The following DNMT3A variants were observed in gnomAD, a reference collection of about 807,000 sequenced individuals.
DNMT3A encodes DNA methyltransferase 3 alpha, also known as DNA (cytosine-5)-methyltransferase 3A.
DNMT3A carries 267 observed loss-of-function variants against 117.6 expected under a neutral mutation model. That is an observed-to-expected ratio of 2.27 (90% CI 2.05 to 2.51). The LOEUF (loss-of-function observed/expected upper bound fraction) is 2.51. DNMT3A is among the 30% of genes most tolerant of loss of function. DNMT3A has a pLI of 0.00. For missense variants in DNMT3A, 1,029 were observed against 1,260.2 expected (o/e 0.82, Z 2.78); for synonymous variants, 432 against 474.8 (o/e 0.91, Z 1.17).
chr2:25,237,024 A>G lies in DNMT3A; in HGVS notation c.2409-19T>C. ...CAACGGCCTAGGAGGCAGAAGAGAGACTGTAACAACAGAAACCTGGATAAC... is the reference window on the plus strand; with the variant it reads ...CAACGGCCTAGGAGGCAGAAGAGAGGCTGTAACAACAGAAACCTGGATAAC... On this transcript the variant is annotated intron_variant, in intron 20 of 22. Transcript: ENST00000321117. The surrounding 1 kb of genome is among the most constrained non-coding windows in gnomAD (Gnocchi z 5.4). The G allele has an allele frequency of 6.2e-7, 1 of 1,612,904 alleles. No individual in the cohort carries two copies. Among genetic ancestry groups the G allele is most frequent in the Non-Finnish European group, 8.5e-7 (1 of 1,179,660 alleles).
chr2:25,296,162 T>G lies in DNMT3A; in HGVS notation c.177+3977A>C, dbSNP rs1408435370. 1.3e-5 allele frequency among the ~76,000 whole-genome samples: 2 copies of G among 152,182 alleles called. No individual in the cohort carries two copies. Among genetic ancestry groups the G allele is most frequent in the Admixed American group, 1.3e-4 (2 of 15,284 alleles). On this transcript the variant is annotated intron_variant, in intron 3 of 22. Coordinates refer to ENST00000321117, the MANE Select transcript of DNMT3A (RefSeq NM_022552.5). This position sits in a 1 kb window ranked among gnomAD's most constrained non-coding sequence, Gnocchi z 4.2. ...CTGCAGACCACTGCAGTCCCATGTGTGTGATCGGTGGGCTTGGAACTTGTC... is the reference window on the plus strand; with the variant it reads ...CTGCAGACCACTGCAGTCCCATGTGGGTGATCGGTGGGCTTGGAACTTGTC...
chr2:25,312,035 C>T (rs1369139408), intron 2 of DNMT3A, among the ~76,000 whole-genome samples: 1 of 152,152 alleles, frequency 6.6e-6, no homozygotes, highest in Non-Finnish European at 1.5e-5. Flanking sequence ...CCCCACCCTC[C>T]CCACCTGTGG....
chr2:25,337,257 C>T lies in DNMT3A; in HGVS notation c.-178+4569G>A, dbSNP rs993389776. Among the ~76,000 whole-genome samples, 2 of 152,176 alleles carry T rather than the reference C, an allele frequency of 1.3e-5. No homozygotes were observed. The highest frequency in any genetic ancestry group is 2.1e-4 in the South Asian group (1 of 4,824). On this transcript the variant is annotated intron_variant, in intron 1 of 22. Coordinates refer to ENST00000321117, the MANE Select transcript of DNMT3A (RefSeq NM_022552.5). This position sits in a 1 kb window ranked among gnomAD's most constrained non-coding sequence, Gnocchi z 5.0. ...ACCTCCCAGGATTTTTAATCAGAAT[C>T]GGCACTTTCCTCATCTGACCAAGAT...
intron 1 of DNMT3A, among the ~76,000 whole-genome samples, chr2:25,328,026 C>A (rs969552962): frequency 1.3e-5 from 2 of 152,306 alleles, no homozygotes; most frequent in East Asian, 1.9e-4. Context: ...GGTCCACCTG[C>A]CTCTGGCATC....
At chr2:25,238,885 T>C (rs1318030956) in intron 20 of DNMT3A, among the ~76,000 whole-genome samples, 1 of 152,236 alleles carries the variant, frequency 6.6e-6, no homozygotes, top group African/African-American at 2.4e-5. Context: ...GACTCTTCTT[T>C]GGTATAAAGA....
intron 6 of DNMT3A, among the ~76,000 whole-genome samples, chr2:25,251,157 GGGGGGGGTGGGTGAGCAGCA>G (rs1675492730): frequency 6.9e-6 from 1 of 144,772 alleles, no homozygotes; most frequent in South Asian, 2.3e-4. Flanking sequence ...AAGAAGCGGG[GGGGGGGGTGGGTGAGCAGCA>G]GGGGGCCTGA....
intron 2 of DNMT3A, among the ~76,000 whole-genome samples, chr2:25,308,067 C>T (rs1238906310): frequency 6.6e-6 from 1 of 152,176 alleles, no homozygotes; most frequent in Non-Finnish European, 1.5e-5. Context: ...TCAGTGGACT[C>T]TAAGCCCACA....
intron 3 of DNMT3A, among the ~76,000 whole-genome samples, chr2:25,283,089 G>A (rs1001454719): frequency 3.9e-5 from 6 of 152,252 alleles, no homozygotes; most frequent in East Asian, 1.9e-4. Flanking sequence ...CCGGCCAGGC[G>A]TGGTGGCTCA....
intron 6 of DNMT3A, among the ~76,000 whole-genome samples, chr2:25,269,059 T>C (rs1411288553): frequency 6.6e-6 from 1 of 152,252 alleles, no homozygotes; most frequent in Non-Finnish European, 1.5e-5. Flanking sequence ...CAGTGGCTCA[T>C]GCCTGTAATT....
chr2:25,251,192 A>AG (rs1242967142), intron 6 of DNMT3A, among the ~76,000 whole-genome samples: 3 of 77,564 alleles, frequency 3.9e-5, no homozygotes, highest in African/African-American at 5.4e-5. Flanking sequence ...GCCTGACGAA[A>AG]GGGGAAGGGG....
At chr2:25,289,106 C>CTTT (rs1204158555) in intron 3 of DNMT3A, among the ~76,000 whole-genome samples, 3 of 143,842 alleles carry the variant, frequency 2.1e-5, no homozygotes, top group Admixed American at 7.0e-5. Context: ...CCTTATTTAA[C>CTTT]TTTTTTTTTT....
In DNMT3A at chr2:25,233,629, C is replaced by T. The variant is rs1673000776; in HGVS notation, c.*650G>A. The T allele has an allele frequency of 2.6e-5, 6 of 232,862 alleles. No individual in the cohort carries two copies. The highest frequency in any genetic ancestry group is 2.4e-4 in the East Asian group (4 of 16,612). The allele number at this position is 232,862 out of a possible 1,614,324, so 14.4% of individuals were successfully genotyped here. ...CTGCTGCTAACTGGGTTCTGTTTTG[C>T]GTGACCAGGAATGGTGCTGGCACGA... is the stretch of plus-strand genomic sequence containing the variant. On this transcript the variant is annotated 3_prime_UTR_variant, in exon 23 of 23. Coordinates refer to ENST00000321117, the MANE Select transcript of DNMT3A (RefSeq NM_022552.5).
chr2:25,333,024 A>G (rs990011657), intron 1 of DNMT3A, among the ~76,000 whole-genome samples: 1 of 152,230 alleles, frequency 6.6e-6, no homozygotes, highest in African/African-American at 2.4e-5. Flanking sequence ...CTGGGTCCCC[A>G]CATGGACAGG....
chr2:25,288,657 A>G (rs2032509994), intron 3 of DNMT3A, among the ~76,000 whole-genome samples: 1 of 152,148 alleles, frequency 6.6e-6, no homozygotes, highest in Admixed American at 6.5e-5. Context: ...AAACATACAT[A>G]ACATTTACCA....
At chr2:25,332,614 C>T (rs2035056006) in intron 1 of DNMT3A, among the ~76,000 whole-genome samples, 1 of 152,228 alleles carries the variant, frequency 6.6e-6, no homozygotes, top group African/African-American at 2.4e-5. Context: ...GGCCTGCCAA[C>T]TCGGGGGCCA....
intron 2 of DNMT3A, among the ~76,000 whole-genome samples, chr2:25,303,358 C>G (rs1326864514): frequency 6.6e-6 from 1 of 152,268 alleles, no homozygotes; most frequent in Non-Finnish European, 1.5e-5. Flanking sequence ...GGCCACCCCT[C>G]TGCCATATGC....
In DNMT3A at chr2:25,228,920, C is replaced by T. The variant is rs74580656; in HGVS notation, c.*5359G>A. 25,133 of 152,272 alleles carry T rather than the reference C, an allele frequency of 0.17. 2,737 individuals carry two copies. Among genetic ancestry groups the T allele is most frequent in the Middle Eastern group, 0.29 (85 of 294 alleles). The allele number at this position is 152,272 out of a possible 1,614,324, so 9.4% of individuals were successfully genotyped here. On this transcript the variant is annotated 3_prime_UTR_variant, in exon 23 of 23. Coordinates refer to ENST00000321117, the MANE Select transcript of DNMT3A (RefSeq NM_022552.5). Reference sequence around the variant, plus strand: ...TGAGGGAGCCGCCCTCCTCACCCCCCAGTGGAGCTGAGCCAGGGAGCTTTC... The same window carrying T: ...TGAGGGAGCCGCCCTCCTCACCCCCTAGTGGAGCTGAGCCAGGGAGCTTTC...
At chr2:25,241,742 G>A (rs1405370455) in intron 16 of DNMT3A, 35 bp from the exon 17 acceptor site, 1 of 1,608,702 alleles carries the variant, frequency 6.2e-7, no homozygotes, top group Non-Finnish European at 8.5e-7. Context: ...GTTACTTGGA[G>A]CCATCTCCCT....
rs576276943 is a variant in DNMT3A, at chr2:25,258,323, C to T, written c.640-10071G>A. ...TCCTCCCTGAGTCTGGGGAGAGGAG[C>T]GGCATTTGGGCAAATGCTGTCGGGC... On this transcript the variant is annotated intron_variant, in intron 6 of 22. Transcript: ENST00000321117. Among the ~76,000 whole-genome samples, 6 of 152,342 alleles carry T rather than the reference C, an allele frequency of 3.9e-5. No individual in the cohort carries two copies. In the East Asian group the frequency reaches 7.7e-4, roughly 20 times the overall value.
Sources: gnomAD v4.1 joint callset for allele counts (sites outside exome capture counted in the v4.1 genomes callset) on GRCh38, gnomAD v4.1.1 for gene constraint, Gnocchi (gnomAD v3.1) non-coding constraint, MANE v1.5 for transcripts, NCBI Gene and HGNC (gene_info 2026-07-23, HGNC 2026-07-21) for gene names.